The following HECW1 variants were observed in gnomAD, a reference collection of about 807,000 sequenced individuals.
HECW1 encodes E3 ubiquitin-protein ligase HECW1.
Under a neutral mutation model 182.3 loss-of-function variants are expected in HECW1, and 61 were observed. That is an observed-to-expected ratio of 0.33 (90% CI 0.27 to 0.41). The LOEUF (loss-of-function observed/expected upper bound fraction) is 0.41, where lower values mean the gene tolerates loss of function less well. HECW1 is among the 10% of genes least tolerant of loss of function. The pLI, the probability that HECW1 is intolerant of heterozygous loss-of-function variation, is 1.00. For missense variants in HECW1, 1,739 were observed against 2,108.9 expected (o/e 0.82, Z 3.44); for synonymous variants, 859 against 832.6 (o/e 1.03, Z -0.55).
chr7:43,192,898 A>G (rs1332798808), intron 2 of HECW1, among the ~76,000 whole-genome samples: 1 of 152,216 alleles, frequency 6.6e-6, no homozygotes, highest in African/African-American at 2.4e-5. Context: ...AGTGAAAGCA[A>G]GTTTTTTAAG....
At chr7:43,495,744 C>A (rs986936830) in intron 19 of HECW1, among the ~76,000 whole-genome samples, 13 of 152,222 alleles carry the variant, frequency 8.5e-5, no homozygotes, top group Non-Finnish European at 1.8e-4. Context: ...AAGGCAGAGT[C>A]ATATTCAGCC....
chr7:43,215,702 A>G (rs1448424790), intron 2 of HECW1, among the ~76,000 whole-genome samples: 1 of 152,168 alleles, frequency 6.6e-6, no homozygotes, highest in Non-Finnish European at 1.5e-5. Flanking sequence ...TGGTCCATGG[A>G]TATTAGAAAA....
intron 2 of HECW1, among the ~76,000 whole-genome samples, chr7:43,219,075 C>T (rs925103131): frequency 5.9e-5 from 9 of 151,898 alleles, no homozygotes; most frequent in East Asian, 1.9e-4. Context: ...ATGTAGCCTG[C>T]GAAAAAAACT....
chr7:43,165,947 A>G (rs1348494125), intron 2 of HECW1, among the ~76,000 whole-genome samples: 3 of 152,122 alleles, frequency 2.0e-5, no homozygotes, highest in Non-Finnish European at 4.4e-5. Context: ...ATACTCATTC[A>G]CTCATTCAAT....
At chr7:43,131,532 T>A (rs1447574935) in intron 2 of HECW1, among the ~76,000 whole-genome samples, 1 of 152,178 alleles carries the variant, frequency 6.6e-6, no homozygotes, top group East Asian at 1.9e-4. Context: ...AATCATTGAC[T>A]GCATTTTTTT....
At chr7:43,176,782 G>A (rs1792295552) in intron 2 of HECW1, among the ~76,000 whole-genome samples, 1 of 152,138 alleles carries the variant, frequency 6.6e-6, no homozygotes, top group Non-Finnish European at 1.5e-5. Flanking sequence ...ATTGACTTTT[G>A]GGGACACATT....
chr7:43,195,241 G>A (rs1465358201), intron 2 of HECW1, among the ~76,000 whole-genome samples: 1 of 152,164 alleles, frequency 6.6e-6, no homozygotes, highest in African/African-American at 2.4e-5. Context: ...TTCATTACTG[G>A]GGCTTCAGTC....
chr7:43,564,189 C>A lies in HECW1; in HGVS notation c.*2263C>A, dbSNP rs1392020689. ...AACCATAACCTTATTCTAACTCTTG[C>A]AACAACATCTCTAATATAGGGGCAT... On this transcript the variant is annotated 3_prime_UTR_variant, in exon 30 of 30. Transcript: ENST00000395891. 5.2e-6 allele frequency: 1 copy of A among 190,754 alleles called. No homozygotes were observed. Among genetic ancestry groups the A allele is most frequent in the East Asian group, 8.3e-5 (1 of 12,102 alleles). 11.8% of individuals were successfully genotyped at this position (190,754 alleles called of 1,614,324 possible).
At chr7:43,345,196 T>C (rs1160212903) in intron 5 of HECW1, among the ~76,000 whole-genome samples, 1 of 152,172 alleles carries the variant, frequency 6.6e-6, no homozygotes, top group Non-Finnish European at 1.5e-5. Flanking sequence ...TCCTGAAATA[T>C]GCATATTGAA....
intron 2 of HECW1, among the ~76,000 whole-genome samples, chr7:43,159,651 A>G (rs1018189804): frequency 1.3e-5 from 2 of 151,264 alleles, no homozygotes; most frequent in African/African-American, 2.4e-5. Context: ...TTACAAATAT[A>G]TGAAAGCATT....
At chr7:43,150,244 C>A (rs1470922078) in intron 2 of HECW1, among the ~76,000 whole-genome samples, 1 of 152,166 alleles carries the variant, frequency 6.6e-6, no homozygotes, top group Non-Finnish European at 1.5e-5. Flanking sequence ...GGATTTGAAC[C>A]AAGGTTACTT....
chr7:43,265,614 C>G (rs1801689522), intron 3 of HECW1, among the ~76,000 whole-genome samples: 1 of 152,204 alleles, frequency 6.6e-6, no homozygotes, highest in African/African-American at 2.4e-5. Context: ...CACCAAACAT[C>G]TGGTCTTCCA....
chr7:43,453,530 G>A (rs1032565710), intron 12 of HECW1, among the ~76,000 whole-genome samples: 5 of 152,186 alleles, frequency 3.3e-5, no homozygotes, highest in African/African-American at 1.2e-4. Context: ...TGTCAAGAAG[G>A]AAATTGAATG....
chr7:43,445,682 G>C, intron 11 of HECW1, 112 bp downstream of exon 11: 1 of 1,330,126 alleles, frequency 7.5e-7, no homozygotes, highest in East Asian at 2.5e-5. Context: ...GGGGTTGCTG[G>C]GGCAATGTAT....
intron 29 of HECW1, among the ~76,000 whole-genome samples, chr7:43,559,784 T>C (rs568809685): frequency 6.6e-6 from 1 of 152,264 alleles, no homozygotes; most frequent in East Asian, 1.9e-4. Context: ...TGGAGGGTGG[T>C]GAGCTCTTAG....
chr7:43,345,281 C>T (rs1281697199), intron 5 of HECW1, among the ~76,000 whole-genome samples: 1 of 152,082 alleles, frequency 6.6e-6, no homozygotes, highest in Non-Finnish European at 1.5e-5. Context: ...ACTATTAGGC[C>T]GTATACATCA....
chr7:43,252,523 C>A (rs533295669), intron 3 of HECW1, among the ~76,000 whole-genome samples: 1 of 152,250 alleles, frequency 6.6e-6, no homozygotes, highest in Non-Finnish European at 1.5e-5. Context: ...GTTGGGAACA[C>A]CCTGGCTTAT....
intron 3 of HECW1, among the ~76,000 whole-genome samples, chr7:43,281,430 G>T (rs1803889278): frequency 6.6e-6 from 1 of 152,144 alleles, no homozygotes; most frequent in African/African-American, 2.4e-5. Flanking sequence ...ACTTTATCGT[G>T]GAAATACAAT....
In HECW1 at chr7:43,546,705, A is replaced by G. The variant is rs140822312; in HGVS notation, c.4249-3740A>G. Among the ~76,000 whole-genome samples the G allele has an allele frequency of 7.7e-3, 1,168 of 152,186 alleles. 17 individuals carry two copies. The highest frequency in any genetic ancestry group is 0.026 in the African/African-American group (1,060 of 41,506). On this transcript the variant is annotated intron_variant, in intron 26 of 29. Transcript: ENST00000395891. ...CGGGAACAAAGCACTGACAGAACCAATCCAGAAAAGAGGTTCTCATTATCC... is the reference window on the plus strand; with the variant it reads ...CGGGAACAAAGCACTGACAGAACCAGTCCAGAAAAGAGGTTCTCATTATCC...
Sources: allele counts gnomAD v4.1 joint callset (sites outside exome capture counted in the v4.1 genomes callset), GRCh38; gene constraint gnomAD v4.1.1; transcripts MANE v1.5; gene names NCBI Gene and HGNC (gene_info 2026-07-23, HGNC 2026-07-21).